RIN2: variants seen among roughly 807,000 people sequenced by gnomAD.
RIN2 encodes the protein RAB5 interacting protein 2.
RIN2 carries 36 observed loss-of-function variants against 78.0 expected under a neutral mutation model. That is an observed-to-expected ratio of 0.46 (90% CI 0.35 to 0.61). RIN2 has a LOEUF of 0.61. RIN2 is among the 20% of genes least tolerant of loss of function. RIN2 has a pLI of 0.00. For synonymous variants in RIN2, 466 were observed against 466.8 expected (o/e 1.00, Z 0.02); for missense variants, 1,087 against 1,159.7 (o/e 0.94, Z 0.91).
chr20:19,830,812 T>C (rs2036229500), intron 2 of RIN2, among the ~76,000 whole-genome samples: 1 of 152,176 alleles, frequency 6.6e-6, no homozygotes, highest in Admixed American at 6.5e-5. Context: ...GGGGGCTGCC[T>C]AGGCAAGGGT....
chr20:19,939,082 G>T (rs558001825), intron 4 of RIN2, among the ~76,000 whole-genome samples: 1 of 152,260 alleles, frequency 6.6e-6, no homozygotes, highest in South Asian at 2.1e-4. Context: ...TCGCTCTGTT[G>T]CCTAGAGCTG....
intron 1 of RIN2, among the ~76,000 whole-genome samples, chr20:19,771,122 C>T (rs969829943): frequency 9.2e-5 from 14 of 152,138 alleles, no homozygotes; most frequent in East Asian, 1.9e-4. Context: ...AGGCCTTTGG[C>T]GTGTTTGTGG....
chr20:19,792,306 G>T (rs747252315), intron 1 of RIN2, among the ~76,000 whole-genome samples: 3 of 152,114 alleles, frequency 2.0e-5, no homozygotes, highest in African/African-American at 7.2e-5. Flanking sequence ...AAAAGATGGC[G>T]AAAGGAAGAT....
intron 2 of RIN2, among the ~76,000 whole-genome samples, chr20:19,861,389 TTA>T (rs2037328634): frequency 6.6e-6 from 1 of 152,200 alleles, no homozygotes; most frequent in African/African-American, 2.4e-5. Context: ...TGACGAAACT[TTA>T]GTCAGGCTCC....
chr20:19,927,325 G>A (rs1184411449), intron 3 of RIN2, among the ~76,000 whole-genome samples: 1 of 152,218 alleles, frequency 6.6e-6, no homozygotes, highest in African/African-American at 2.4e-5. Context: ...ATGGCTCACT[G>A]CAGCCTTGAA....
At chr20:19,808,212 C>T (rs2035469451) in intron 2 of RIN2, among the ~76,000 whole-genome samples, 1 of 152,220 alleles carries the variant, frequency 6.6e-6, no homozygotes, top group Non-Finnish European at 1.5e-5. Flanking sequence ...TGCCTGCATG[C>T]TTAGTGGCTT....
At chr20:19,869,238 A>G (rs936457377) in intron 2 of RIN2, among the ~76,000 whole-genome samples, 1 of 152,228 alleles carries the variant, frequency 6.6e-6, no homozygotes, top group African/African-American at 2.4e-5. Flanking sequence ...GATGAAGACC[A>G]TATACGCTGT....
At chr20:19,947,227 A>G (rs528323320) in intron 4 of RIN2, among the ~76,000 whole-genome samples, 2 of 151,834 alleles carry the variant, frequency 1.3e-5, no homozygotes, top group African/African-American at 2.4e-5. Flanking sequence ...TGGGCTAGGC[A>G]TGGTGGCTTG....
intron 1 of RIN2, among the ~76,000 whole-genome samples, chr20:19,798,010 C>T (rs2035115840): frequency 6.6e-6 from 1 of 151,954 alleles, no homozygotes; most frequent in Admixed American, 6.6e-5. Flanking sequence ...TGCCACCACG[C>T]CCGGCTAATT....
chr20:19,782,137 A>G (rs2034529823), intron 1 of RIN2, among the ~76,000 whole-genome samples: 1 of 152,224 alleles, frequency 6.6e-6, no homozygotes, highest in Admixed American at 6.5e-5. Flanking sequence ...TATTCATGAA[A>G]TATCCAATGG....
chr20:19,856,853 G>A (rs2037186720), intron 2 of RIN2, among the ~76,000 whole-genome samples: 1 of 152,120 alleles, frequency 6.6e-6, no homozygotes, highest in African/African-American at 2.4e-5. Flanking sequence ...TCCAAATCTT[G>A]CAACGTGGCC....
intron 3 of RIN2, among the ~76,000 whole-genome samples, chr20:19,905,246 G>A (rs887000177): frequency 1.3e-5 from 2 of 152,184 alleles, no homozygotes; most frequent in Non-Finnish European, 2.9e-5. Context: ...GGTAAGACAG[G>A]GAGGAGGATT....
At position 19,853,575 on chromosome 20, in the gene RIN2, C is replaced by G. The variant is rs367856446; in HGVS notation, c.-36-35991C>G. Among the ~76,000 whole-genome samples the G allele has an allele frequency of 7.2e-3, 1,100 of 152,332 alleles. 12 individuals are homozygous for G. The highest frequency in any genetic ancestry group is 0.043 in the South Asian group (207 of 4,820). On this transcript the variant is annotated intron_variant, in intron 2 of 12. Coordinates refer to ENST00000255006, the MANE Select transcript of RIN2 (RefSeq NM_018993.4). Reference sequence around the variant, plus strand: ...TCCTGACTTTTTAATGATCACCATTCTAACTGGCATGAGATGGTATCTCAT... The same window carrying G: ...TCCTGACTTTTTAATGATCACCATTGTAACTGGCATGAGATGGTATCTCAT...
chr20:19,892,324 C>T (rs968861513), intron 3 of RIN2, among the ~76,000 whole-genome samples: 2 of 152,166 alleles, frequency 1.3e-5, no homozygotes, highest in Non-Finnish European at 2.9e-5. Context: ...TCAAGCGATT[C>T]TCTGCCTCAG....
intron 6 of RIN2, among the ~76,000 whole-genome samples, chr20:19,964,288 AAAAG>A (rs1368028559): frequency 1.1e-4 from 17 of 151,904 alleles, no homozygotes; most frequent in Admixed American, 5.2e-4. Context: ...GAGAAAAAAA[AAAAG>A]AGAGATGTAG....
At chr20:19,783,311 T>C (rs1424998437) in intron 1 of RIN2, among the ~76,000 whole-genome samples, 1 of 152,230 alleles carries the variant, frequency 6.6e-6, no homozygotes, top group Non-Finnish European at 1.5e-5. Flanking sequence ...CAGGCCTTTG[T>C]CATGGACTGT....
intron 2 of RIN2, among the ~76,000 whole-genome samples, chr20:19,833,819 A>C (rs369853180): frequency 6.6e-6 from 1 of 152,148 alleles, no homozygotes; most frequent in Non-Finnish European, 1.5e-5. Flanking sequence ...ACAGGGGTGC[A>C]AAAGTGCAGT....
At chr20:19,892,040 A>G (rs1349878749) in intron 3 of RIN2, among the ~76,000 whole-genome samples, 3 of 152,126 alleles carry the variant, frequency 2.0e-5, no homozygotes, top group Admixed American at 2.0e-4. Context: ...ATGCTATAGG[A>G]AAGAACCAAT....
At chr20:19,908,224 G>T (rs2039303264) in intron 3 of RIN2, among the ~76,000 whole-genome samples, 1 of 152,130 alleles carries the variant, frequency 6.6e-6, no homozygotes, top group Admixed American at 6.5e-5. Flanking sequence ...AGGCGCGGTG[G>T]CTCACACCTA....
Sources: gnomAD v4.1 joint callset for allele counts (sites outside exome capture counted in the v4.1 genomes callset) on GRCh38, gnomAD v4.1.1 for gene constraint, MANE v1.5 for transcripts, NCBI Gene and HGNC (gene_info 2026-07-23, HGNC 2026-07-21) for gene names.